The following EIF3H variants were observed in gnomAD, a reference collection of about 807,000 sequenced individuals.
The protein encoded by EIF3H is eukaryotic translation initiation factor 3 subunit H, also known as eIF-3-gamma.
Under a neutral mutation model 44.2 loss-of-function variants are expected in EIF3H, and 26 were observed. The observed-to-expected ratio is 0.59, with a 90% CI of 0.43 to 0.82. The LOEUF (loss-of-function observed/expected upper bound fraction) is 0.82, where lower values mean the gene tolerates loss of function less well. Among genes scored for constraint, EIF3H ranks in the 40% least tolerant of loss-of-function variants. The probability of loss-of-function intolerance (pLI) is 0.00; values close to 1 mark genes in which losing one functional copy is unlikely to be tolerated. For synonymous variants in EIF3H, 166 were observed against 151.9 expected (o/e 1.09, Z -0.68); for missense variants, 359 against 432.8 (o/e 0.83, Z 1.51).
intron 1 of EIF3H, among the ~76,000 whole-genome samples, chr8:116,744,758 T>G (rs192876628): frequency 6.6e-6 from 1 of 152,354 alleles, no homozygotes; most frequent in Admixed American, 6.5e-5. Context: ...AAACTAATTT[T>G]GAAAAGAAAG....
intron 2 of EIF3H, among the ~76,000 whole-genome samples, chr8:116,670,655 T>C (rs1233159531): frequency 6.6e-6 from 1 of 152,214 alleles, no homozygotes; most frequent in Non-Finnish European, 1.5e-5. Context: ...AATACGTGTT[T>C]ATAATTTGGG....
chr8:116,730,494 G>C (rs1487068867), intron 1 of EIF3H, among the ~76,000 whole-genome samples: 1 of 152,162 alleles, frequency 6.6e-6, no homozygotes, highest in Non-Finnish European at 1.5e-5. Flanking sequence ...CCAGTCCCTG[G>C]TGCCAGAAAG....
chr8:116,658,751 C>G (rs1023194895), intron 3 of EIF3H, 62 bp downstream of exon 3: 1 of 1,549,854 alleles, frequency 6.5e-7, no homozygotes, highest in Admixed American at 1.9e-5. Context: ...GCAAAAAGGA[C>G]AGAAAGCAAA....
intron 2 of EIF3H, among the ~76,000 whole-genome samples, chr8:116,670,733 C>G (rs1813738884): frequency 6.6e-6 from 1 of 152,148 alleles, no homozygotes. Flanking sequence ...AAATTTTATC[C>G]TATGTTAGAA....
rs200714658 is a variant in EIF3H at position 116,728,901 on chromosome 8, CAG to C, written c.133-2731_133-2730del. Among the ~76,000 whole-genome samples, 466 of 152,308 alleles carry C rather than the reference CAG, an allele frequency of 3.1e-3. 6 individuals carry two copies. The highest frequency in any genetic ancestry group is 0.011 in the African/African-American group (445 of 41,586). On this transcript the variant is annotated intron_variant, in intron 1 of 7. Transcript: ENST00000521861. The stretch of plus-strand genomic sequence containing the variant: ...ATGACACAGTATAGAGTTCTCTGCA[CAG>C]AGTCTGCCACATAGTAAGTGCTCAA...
At chr8:116,703,304 A>G (rs1017486251) in intron 2 of EIF3H, among the ~76,000 whole-genome samples, 3 of 152,092 alleles carry the variant, frequency 2.0e-5, no homozygotes, top group African/African-American at 7.2e-5. Flanking sequence ...TCCCTGGTCT[A>G]GTGGTAATGC....
intron 2 of EIF3H, among the ~76,000 whole-genome samples, chr8:116,705,499 C>CG (rs1159413436): frequency 7.0e-6 from 1 of 143,586 alleles, no homozygotes; most frequent in East Asian, 2.0e-4. Context: ...ACACCCCCCC[C>CG]CACCACCAAC....
Position 116,695,128 on chromosome 8 carries a change from G to A in EIF3H, c.289+30888C>T, listed in dbSNP as rs1215121633. 4.0e-5 allele frequency among the ~76,000 whole-genome samples: 6 copies of A among 150,482 alleles called. No homozygotes were observed. The East Asian group carries it at 7.8e-4, about 20-fold the overall frequency. On this transcript the variant is annotated intron_variant, in intron 2 of 7. Transcript: ENST00000521861. The stretch of plus-strand genomic sequence containing the variant: ...CTGTCGCCCAGGCTGGAGTGTGGTG[G>A]AGCAATCTAGGCTCACTACAACCTC...
rs1813540728 is a variant in EIF3H, at chr8:116,658,934, A to T, written c.336T>A (p.Ile112=). The change falls in exon 3 of 8, where the codon ATT becomes ATA. Residue 112 remains isoleucine, a synonymous_variant. Coordinates refer to ENST00000521861, the MANE Select transcript of EIF3H (RefSeq NM_003756.3). Reference sequence around the variant, plus strand: ...GATACCAGCCCACGTGAAGATGATCAATGTTTACATGGCGAAGGCTCCGCA... The same window carrying T: ...GATACCAGCCCACGTGAAGATGATCTATGTTTACATGGCGAAGGCTCCGCA... The part of the protein sequence containing the change: ...EMMRSLRHVN[I]DHLHVGWYQS... 1.2e-6 allele frequency: 2 copies of T among 1,613,714 alleles called. No homozygotes were observed. Among genetic ancestry groups the T allele is most frequent in the East Asian group, 4.5e-5 (2 of 44,858 alleles).
chr8:116,654,816 C>A lies in EIF3H; in HGVS notation c.707+1040G>T, dbSNP rs148206149. ...GCGGCGCTTCAACCACAGTCCTACC[C>A]GTGCCAGAGCATAGAGAAGAACATT... On this transcript the variant is annotated intron_variant, in intron 5 of 7. Coordinates refer to ENST00000521861, the MANE Select transcript of EIF3H (RefSeq NM_003756.3). 4.6e-4 allele frequency among the ~76,000 whole-genome samples: 70 copies of A among 152,214 alleles called. 1 individual carries two copies. The highest frequency in any genetic ancestry group is 2.5e-3 in the Admixed American group (38 of 15,294).
rs543771281 is a variant in EIF3H, at chr8:116,715,867, T to C, written c.289+10149A>G. ...TAAGCTTGATAACAGTGCCCCCTAA[T>C]GGGAATTTTAGTATGAGTTTTTCTA... On this transcript the variant is annotated intron_variant, in intron 2 of 7. Coordinates refer to ENST00000521861, the MANE Select transcript of EIF3H (RefSeq NM_003756.3). Among the ~76,000 whole-genome samples the C allele has an allele frequency of 2.0e-5, 3 of 150,776 alleles. No homozygotes were observed. The South Asian group carries it at 6.3e-4, about 32-fold the overall frequency.
intron 1 of EIF3H, among the ~76,000 whole-genome samples, chr8:116,745,821 A>G (rs1175565631): frequency 2.0e-5 from 3 of 151,774 alleles, no homozygotes; most frequent in Non-Finnish European, 4.4e-5. Context: ...CGGGAGGCTG[A>G]GGGGCACGAG....
rs753521440 is a variant in EIF3H, at chr8:116,655,912, T to C, written c.651A>G (p.Glu217=). 5 of 1,613,798 alleles carry C rather than the reference T, an allele frequency of 3.1e-6. No individual in the cohort carries two copies. Among genetic ancestry groups the C allele is most frequent in the Middle Eastern group, 1.6e-4 (1 of 6,062 alleles). ...CTGCAACAGCTGACTTCTTTTCAAG[T>C]TCCCACATTAGGACATTGATCAGAT... The part of the protein sequence containing the change: ...NSHLINVLMW[E]LEKKSAVADK... Residue 217 remains glutamate (E), a synonymous_variant, in exon 5 of 8, where the codon GAA becomes GAG. Transcript: ENST00000521861.
Position 116,658,826 on chromosome 8 carries a change from G to A in EIF3H, c.444C>T (p.Val148=), listed in dbSNP as rs761774175. The change falls in exon 3 of 8, where the codon GTC becomes GTT. Residue 148 remains valine, a synonymous_variant. Transcript: ENST00000521861. The part of the protein sequence containing the change: ...FSYQHAIEES[V]VLIYDPIKTA... ...CCTCCTACTAACCATAAATGAGAAC[G>A]ACAGATTCTTCAATGGCATGCTGGT... is the stretch of plus-strand genomic sequence containing the variant. 2.5e-5 allele frequency: 41 copies of A among 1,611,980 alleles called. No individual in the cohort carries two copies. The Admixed American group carries it at 4.2e-4, about 16-fold the overall frequency.
intron 2 of EIF3H, among the ~76,000 whole-genome samples, chr8:116,661,061 C>A (rs892750919): frequency 6.6e-6 from 1 of 152,194 alleles, no homozygotes; most frequent in African/African-American, 2.4e-5. Flanking sequence ...AACAGATTCA[C>A]ATCAACCACA....
chr8:116,650,611 C>T (rs1466680374), intron 5 of EIF3H, among the ~76,000 whole-genome samples: 1 of 152,118 alleles, frequency 6.6e-6, no homozygotes, highest in East Asian at 1.9e-4. Context: ...ATGGATGAAC[C>T]TTGAAAACAT....
intron 2 of EIF3H, among the ~76,000 whole-genome samples, chr8:116,698,689 A>G (rs1049507297): frequency 4.6e-5 from 7 of 152,226 alleles, no homozygotes; most frequent in Non-Finnish European, 1.0e-4. Context: ...TGCCCATGCC[A>G]TAGCCTCTAT....
chr8:116,654,847 C>T (rs1563633460), intron 5 of EIF3H, among the ~76,000 whole-genome samples: 1 of 152,070 alleles, frequency 6.6e-6, no homozygotes, highest in Non-Finnish European at 1.5e-5. Context: ...ACATTGATGT[C>T]TCTGGCCCTT....
rs540939687 is a variant in EIF3H at position 116,742,259 on chromosome 8, T to C, written c.132+13407A>G. 4.6e-5 allele frequency among the ~76,000 whole-genome samples: 7 copies of C among 152,280 alleles called. 1 individual carries two copies. In the South Asian group the frequency reaches 1.4e-3, roughly 32 times the overall value. ...TCCACATTTTTAAAGTTAAATCAAC[T>C]AATAATTGTTGGGAAAAAGAGAAGA... On this transcript the variant is annotated intron_variant, in intron 1 of 7. Transcript: ENST00000521861.
Sources: allele counts gnomAD v4.1 joint callset (sites outside exome capture counted in the v4.1 genomes callset), GRCh38; gene constraint gnomAD v4.1.1; transcripts MANE v1.5; gene names NCBI Gene and HGNC (gene_info 2026-07-23, HGNC 2026-07-21).